The following C1QTNF7 variants were observed in gnomAD, a reference collection of about 807,000 sequenced individuals.
C1QTNF7 encodes C1q and TNF related 7, also known as complement C1q tumor necrosis factor-related protein 7.
A neutral mutation model predicts 19.6 loss-of-function variants in C1QTNF7; 15 were observed. The ratio of observed to expected loss-of-function variants is 0.76; its 90% CI spans 0.51 to 1.18. The LOEUF is 1.18. Among genes scored for constraint, C1QTNF7 ranks in the 50% most tolerant of loss-of-function variants. C1QTNF7 has a pLI of 0.00. For missense variants in C1QTNF7, 324 were observed against 359.7 expected (o/e 0.90, Z 0.80); for synonymous variants, 142 against 137.5 (o/e 1.03, Z -0.23).
At chr4:15,398,015 C>T (rs547121171) in intron 1 of C1QTNF7, among the ~76,000 whole-genome samples, 1 of 152,188 alleles carries the variant, frequency 6.6e-6, no homozygotes, top group African/African-American at 2.4e-5. Flanking sequence ...CACAAAGGAA[C>T]GCAGCCACAA....
intron 1 of C1QTNF7, among the ~76,000 whole-genome samples, chr4:15,397,240 A>G (rs940010952): frequency 1.3e-5 from 2 of 152,198 alleles, no homozygotes; most frequent in Non-Finnish European, 2.9e-5. Context: ...GCCAAACCAT[A>G]TCAGATGGAA....
At chr4:15,360,443 T>C (rs917050129) in intron 1 of C1QTNF7, among the ~76,000 whole-genome samples, 1 of 152,160 alleles carries the variant, frequency 6.6e-6, no homozygotes, top group African/African-American at 2.4e-5. Context: ...ATATTGCTGA[T>C]TCATTAACAT....
chr4:15,356,280 G>A (rs1717144178), intron 1 of C1QTNF7, among the ~76,000 whole-genome samples: 1 of 152,034 alleles, frequency 6.6e-6, no homozygotes, highest in African/African-American at 2.4e-5. Flanking sequence ...GCCCAGGTGT[G>A]TGATATTCCC....
chr4:15,435,881 T>C lies in C1QTNF7; in HGVS notation c.138T>C (p.Pro46=). The change falls in exon 2 of 3, where the codon CCT becomes CCC. Residue 46 remains proline, a synonymous_variant. Coordinates refer to ENST00000444304, the MANE Select transcript of C1QTNF7 (RefSeq NM_031911.5). The stretch of plus-strand genomic sequence containing the variant: ...GCTTGCCTGGACCTCCAGGGCCCCC[T>C]GGAGCAAATGGTTCCCCTGGGCCCC... ...IPGLPGPPGP[P]GANGSPGPHG... is the part of the protein sequence containing the mutation. 1 of 1,614,084 alleles carries C rather than the reference T, an allele frequency of 6.2e-7. No homozygotes were observed. The highest frequency in any genetic ancestry group is 8.5e-7 in the Non-Finnish European group (1 of 1,180,002).
At chr4:15,370,149 C>T (rs1262798363) in intron 1 of C1QTNF7, among the ~76,000 whole-genome samples, 2 of 151,852 alleles carry the variant, frequency 1.3e-5, no homozygotes, top group Non-Finnish European at 1.5e-5. Flanking sequence ...TTTGAAGAGG[C>T]TAGGGTATTT....
chr4:15,384,324 G>A (rs1718254331), intron 1 of C1QTNF7, among the ~76,000 whole-genome samples: 1 of 152,170 alleles, frequency 6.6e-6, no homozygotes, highest in East Asian at 1.9e-4. Flanking sequence ...GATAGCAATT[G>A]TTTATTTACA....
chr4:15,420,140 C>G (rs1430350525), intron 1 of C1QTNF7: 4 of 152,404 alleles, frequency 2.6e-5, no homozygotes, highest in Non-Finnish European at 4.4e-5. Flanking sequence ...CTCCACCCCC[C>G]ATCCTTCTTC....
At chr4:15,373,035 A>G (rs2109307799) in intron 1 of C1QTNF7, among the ~76,000 whole-genome samples, 1 of 152,330 alleles carries the variant, frequency 6.6e-6, no homozygotes, top group East Asian at 1.9e-4. Flanking sequence ...CCCGCTGGAA[A>G]ATACCACTGT....
At position 15,442,640 on chromosome 4, in the gene C1QTNF7, C is replaced by T. The variant is rs1712823458; in HGVS notation, c.711C>T (p.Ile237=). The change falls in exon 3 of 3, where the codon ATC becomes ATT. Residue 237 remains isoleucine (I), a synonymous_variant. Transcript: ENST00000444304. The stretch of plus-strand genomic sequence containing the variant: ...ATGTGGCTTCGGGGTCCACAGTCAT[C>T]TATCTGCAGCCAGAAGATGAAGTCT... ...NHDVASGSTV[I]YLQPEDEVWL... is the part of the protein sequence containing the mutation. 1.9e-6 allele frequency: 3 copies of T among 1,614,218 alleles called. No homozygotes were observed. In the East Asian group the frequency reaches 6.7e-5, roughly 36 times the overall value.
intron 1 of C1QTNF7, among the ~76,000 whole-genome samples, chr4:15,359,389 G>A (rs1289469170): frequency 2.0e-5 from 3 of 152,116 alleles, no homozygotes; most frequent in Non-Finnish European, 2.9e-5. Context: ...TAAAATTGGA[G>A]GTGGAAAGAA....
intron 1 of C1QTNF7, among the ~76,000 whole-genome samples, chr4:15,392,095 T>C (rs1718581586): frequency 6.6e-6 from 1 of 152,190 alleles, no homozygotes; most frequent in Admixed American, 6.5e-5. Flanking sequence ...AATGAATTTG[T>C]TAGAGAATGT....
intron 1 of C1QTNF7, among the ~76,000 whole-genome samples, chr4:15,402,558 T>A (rs886953716): frequency 4.6e-5 from 7 of 151,834 alleles, no homozygotes; most frequent in African/African-American, 1.7e-4. Flanking sequence ...AAAATAATAA[T>A]GTAACTGAAA....
In C1QTNF7 at chr4:15,442,752, G is replaced by A. The variant is rs776483061; in HGVS notation, c.823G>A (p.Val275Ile). Residue 275 changes from valine to isoleucine, a missense_variant, in exon 3 of 3, where the codon GTT becomes ATT. Transcript: ENST00000444304. Reference sequence around the variant, plus strand: ...CTTATTCTCCGGGTTTCTCTTATACGTTGACACAGATTACCTAGATTCCAT... The same window carrying A: ...CTTATTCTCCGGGTTTCTCTTATACATTGACACAGATTACCTAGATTCCAT... ...DSLFSGFLLYVDTDYLDSISE... is the reference protein window; with the variant it reads ...DSLFSGFLLYIDTDYLDSISE... 20 of 1,613,510 alleles carry A rather than the reference G, an allele frequency of 1.2e-5. No individual in the cohort carries two copies. Among genetic ancestry groups the A allele is most frequent in the South Asian group, 8.8e-5 (8 of 91,018 alleles).
At chr4:15,420,997 G>C (rs529334798) in intron 1 of C1QTNF7, among the ~76,000 whole-genome samples, 7 of 151,944 alleles carry the variant, frequency 4.6e-5, no homozygotes, top group Non-Finnish European at 8.8e-5. Flanking sequence ...ACCACCTGCC[G>C]CTAAATCTTT....
chr4:15,351,110 T>C (rs1716920331), intron 1 of C1QTNF7, among the ~76,000 whole-genome samples: 1 of 152,224 alleles, frequency 6.6e-6, no homozygotes, highest in African/African-American at 2.4e-5. Context: ...TGAGATAATA[T>C]AGTGCTCTAA....
chr4:15,417,643 G>C (rs1048971588), intron 1 of C1QTNF7, among the ~76,000 whole-genome samples: 1 of 152,160 alleles, frequency 6.6e-6, no homozygotes, highest in Non-Finnish European at 1.5e-5. Context: ...TGTGATTGCA[G>C]ATACTTGAGA....
Position 15,385,772 on chromosome 4 carries a change from C to A in C1QTNF7, c.13+45565C>A, listed in dbSNP as rs187598460. Among the ~76,000 whole-genome samples the A allele has an allele frequency of 3.9e-5, 6 of 152,302 alleles. No homozygotes were observed. In the East Asian group the frequency reaches 1.2e-3, roughly 29 times the overall value. On this transcript the variant is annotated intron_variant, in intron 1 of 2. Coordinates refer to the C1QTNF7 transcript ENST00000295297. ...ACTATCCCCACTCCAGTTCTCAGTA[C>A]CCTGGCTGGGCAATTTCAACAAGAG...
At chr4:15,390,561 T>C (rs1174498206) in intron 1 of C1QTNF7, among the ~76,000 whole-genome samples, 1 of 152,176 alleles carries the variant, frequency 6.6e-6, no homozygotes. Flanking sequence ...CCACCTTGCA[T>C]TTCAGAAAGA....
chr4:15,425,473 G>T (rs542495855), upstream of C1QTNF7, among the ~76,000 whole-genome samples: 59 of 152,274 alleles, frequency 3.9e-4, no homozygotes, highest in South Asian at 7.7e-3. Context: ...TACTGGAGAT[G>T]ATATAAGCAA....
Sources: allele counts gnomAD v4.1 joint callset (sites outside exome capture counted in the v4.1 genomes callset), GRCh38; gene constraint gnomAD v4.1.1; transcripts MANE v1.5; gene names NCBI Gene and HGNC (gene_info 2026-07-23, HGNC 2026-07-21).